The following KCNG4 variants were observed in gnomAD, a reference collection of about 807,000 sequenced individuals.
KCNG4 encodes potassium voltage-gated channel modifier subfamily G member 4.
In KCNG4, 30 loss-of-function variants were observed where a neutral mutation model predicts 28.2. That is an observed-to-expected ratio of 1.06 (90% CI 0.80 to 1.44). The LOEUF (loss-of-function observed/expected upper bound fraction) is 1.44, where lower values mean the gene tolerates loss of function less well. KCNG4 is among the 40% of genes most tolerant of loss of function. KCNG4 has a pLI of 0.00. For missense variants in KCNG4, 879 were observed against 712.3 expected (o/e 1.23, Z -2.66); for synonymous variants, 375 against 315.5 (o/e 1.19, Z -2.00).
intron 2 of KCNG4, among the ~76,000 whole-genome samples, chr16:84,229,968 G>A (rs577408376): frequency 6.6e-6 from 1 of 152,312 alleles, no homozygotes; most frequent in South Asian, 2.1e-4. Flanking sequence ...TCCGAGAAAG[G>A]GACAGATGAG....
At chr16:84,237,594 G>A in intron 1 of KCNG4, 69 bp from the exon 2 acceptor site, 1 of 1,074,682 alleles carries the variant, frequency 9.3e-7, no homozygotes, top group South Asian at 2.7e-5. Context: ...AGTCCTGGAT[G>A]TCACGACTGC....
intron 2 of KCNG4, among the ~76,000 whole-genome samples, chr16:84,234,052 G>C (rs997308118): frequency 2.0e-5 from 3 of 152,230 alleles, no homozygotes; most frequent in African/African-American, 7.2e-5. Flanking sequence ...GGAGGCATCG[G>C]TTCTTTCATC....
At position 84,222,436 on chromosome 16, in the gene KCNG4, G is replaced by A; in HGVS notation, c.1341C>T (p.Ala447=). Residue 447 remains alanine (A), a synonymous_variant, in exon 3 of 3, where the codon GCC becomes GCT. Coordinates refer to ENST00000308251, the MANE Select transcript of KCNG4 (RefSeq NM_172347.3). ...TGTGGAAGATAGACGTGGCCGGGAA[G>A]GCCATGATGAGGATCCCGCTCAGGA... ...SSILSGILIM[A]FPATSIFHTF... 3 of 1,614,148 alleles carry A rather than the reference G, an allele frequency of 1.9e-6. No individual in the cohort carries two copies. Among genetic ancestry groups the A allele is most frequent in the East Asian group, 2.2e-5 (1 of 44,870 alleles).
At chr16:84,223,132 C>T in intron 2 of KCNG4, 112 bp from the exon 3 acceptor site, 1 of 820,468 alleles carries the variant, frequency 1.2e-6, no homozygotes, top group Admixed American at 3.2e-5. Context: ...TAGTCGTCCA[C>T]CAGAACCTCC....
In KCNG4 at chr16:84,226,866, G is replaced by A. The variant is rs537786508; in HGVS notation, c.757-3846C>T. On this transcript the variant is annotated intron_variant, in intron 2 of 2. Coordinates refer to ENST00000308251, the MANE Select transcript of KCNG4 (RefSeq NM_172347.3). This position sits in a 1 kb window ranked among gnomAD's most constrained non-coding sequence, Gnocchi z 4.1. Reference sequence around the variant, plus strand: ...TGCACTGCAGCCTGGGCGATAGAGCGAGACTCCGTCTCAAAGACAAACATA... The same window carrying A: ...TGCACTGCAGCCTGGGCGATAGAGCAAGACTCCGTCTCAAAGACAAACATA... 3.4e-4 allele frequency among the ~76,000 whole-genome samples: 52 copies of A among 151,574 alleles called. No individual in the cohort carries two copies. The highest frequency in any genetic ancestry group is 7.4e-4 in the Non-Finnish European group (50 of 67,804).
At chr16:84,239,377 C>T (rs540172435) in intron 1 of KCNG4, among the ~76,000 whole-genome samples, 61 of 152,290 alleles carry the variant, frequency 4.0e-4, no homozygotes, top group Admixed American at 9.2e-4. Flanking sequence ...ACCCAGCGAG[C>T]GGAAGTAACT....
intron 2 of KCNG4, 136 bp downstream of exon 2, chr16:84,236,594 T>C: frequency 2.0e-6 from 2 of 1,000,794 alleles, no homozygotes; most frequent in Non-Finnish European, 2.8e-6. Context: ...TAATAATGAA[T>C]ATAACCCATG....
intron 2 of KCNG4, 189 bp downstream of exon 2, chr16:84,236,540 TA>T (rs574533854): frequency 0.17 from 96,879 of 584,254 alleles, 21 homozygotes; most frequent in Middle Eastern, 0.21. Flanking sequence ...AGGACTCCAA[TA>T]AAAAAAAAAA....
At chr16:84,229,925 A>G (rs1030663298) in intron 2 of KCNG4, among the ~76,000 whole-genome samples, 1 of 152,218 alleles carries the variant, frequency 6.6e-6, no homozygotes, top group Non-Finnish European at 1.5e-5. Context: ...AGCTCCAGAG[A>G]GCAGGCCAGT....
rs986222020 is a variant in KCNG4 at position 84,239,849 on chromosome 16, A to G, written c.-220T>C. The G allele has an allele frequency of 3.3e-5, 5 of 151,556 alleles. No individual in the cohort carries two copies. The highest frequency in any genetic ancestry group is 6.6e-5 in the Admixed American group (1 of 15,218). 9.4% of individuals were successfully genotyped at this position (151,556 alleles called of 1,614,324 possible). A position where few individuals can be genotyped will look rare whatever the true frequency, so the allele number is the denominator to read the frequency against. On this transcript the variant is annotated 5_prime_UTR_variant, in exon 1 of 3. Coordinates refer to ENST00000308251, the MANE Select transcript of KCNG4 (RefSeq NM_172347.3). Reference sequence around the variant, plus strand: ...CTTTCTTCCCGTGCCTCCTCCAGAAACCAGAAGTTCATTCATTCTGCATCT... The same window carrying G: ...CTTTCTTCCCGTGCCTCCTCCAGAAGCCAGAAGTTCATTCATTCTGCATCT...
chr16:84,227,348 G>A lies in KCNG4; in HGVS notation c.757-4328C>T, dbSNP rs571116229. Among the ~76,000 whole-genome samples, 71 of 152,322 alleles carry A rather than the reference G, an allele frequency of 4.7e-4. 1 individual carries two copies. The South Asian group carries it at 0.014, about 29-fold the overall frequency. On this transcript the variant is annotated intron_variant, in intron 2 of 2. Coordinates refer to ENST00000308251, the MANE Select transcript of KCNG4 (RefSeq NM_172347.3). The stretch of plus-strand genomic sequence containing the variant: ...TCCTGGCACTTTGGGAAGCCGAGGC[G>A]GGTGGATCACCTGGGGTCAGGAGTT...
rs1904543128 is a variant in KCNG4, at chr16:84,220,974, A to G, written c.*1243T>C. The stretch of plus-strand genomic sequence containing the variant: ...TGTTCAGCTTCATCTCCTAAAATAC[A>G]CCTCTACTCTCCAGCCCTGCCCATG... On this transcript the variant is annotated 3_prime_UTR_variant, in exon 3 of 3. Coordinates refer to ENST00000308251, the MANE Select transcript of KCNG4 (RefSeq NM_172347.3). The G allele has an allele frequency of 6.6e-6, 1 of 150,892 alleles. No homozygotes were observed. The highest frequency in any genetic ancestry group is 1.5e-5 in the Non-Finnish European group (1 of 67,890). 9.3% of individuals were successfully genotyped at this position (150,892 alleles called of 1,614,324 possible). A position where few individuals can be genotyped will look rare whatever the true frequency, so the allele number is the denominator to read the frequency against.
rs771013428 is a variant in KCNG4 at position 84,222,212 on chromosome 16, C to G, written c.*5G>C. 2 of 1,613,478 alleles carry G rather than the reference C, an allele frequency of 1.2e-6. No homozygotes were observed. Among genetic ancestry groups the G allele is most frequent in the Non-Finnish European group, 1.7e-6 (2 of 1,179,780 alleles). ...GGTTACCATGTAGTCATGGGGGGTG[C>G]TGAGTTACATGTGCATGATAGGCAA... is the stretch of plus-strand genomic sequence containing the variant. On this transcript the variant is annotated 3_prime_UTR_variant, in exon 3 of 3. Coordinates refer to ENST00000308251, the MANE Select transcript of KCNG4 (RefSeq NM_172347.3).
chr16:84,225,515 C>T (rs909019997), intron 2 of KCNG4, among the ~76,000 whole-genome samples: 1 of 152,226 alleles, frequency 6.6e-6, no homozygotes, highest in Non-Finnish European at 1.5e-5. Context: ...GTAACTCCCC[C>T]CATTCACTCT....
chr16:84,224,034 C>T (rs963904020), intron 2 of KCNG4, among the ~76,000 whole-genome samples: 1 of 152,100 alleles, frequency 6.6e-6, no homozygotes, highest in African/African-American at 2.4e-5. Flanking sequence ...CAGGGTAGTT[C>T]CACCAGTCCT....
intron 2 of KCNG4, among the ~76,000 whole-genome samples, chr16:84,234,710 C>T (rs1277968442): frequency 6.6e-6 from 1 of 152,188 alleles, no homozygotes; most frequent in Non-Finnish European, 1.5e-5. Context: ...ATTTACAGGA[C>T]ACTGGCCCCA....
chr16:84,224,403 T>TACACACACACAC (rs58296563), intron 2 of KCNG4, among the ~76,000 whole-genome samples: 2,177 of 58,552 alleles, frequency 0.037, 58 homozygotes, highest in African/African-American at 0.13. Context: ...TATACATATT[T>TACACACACACAC]ACACACACAC....
In KCNG4 at chr16:84,222,194, A is replaced by T; in HGVS notation, c.*23T>A. The stretch of plus-strand genomic sequence containing the variant: ...GGCAGGGTGATGGGTTGAGGTTACC[A>T]TGTAGTCATGGGGGGTGCTGAGTTA... On this transcript the variant is annotated 3_prime_UTR_variant, in exon 3 of 3. Coordinates refer to ENST00000308251, the MANE Select transcript of KCNG4 (RefSeq NM_172347.3). 1 of 1,611,316 alleles carries T rather than the reference A, an allele frequency of 6.2e-7. No individual in the cohort carries two copies.
intron 2 of KCNG4, among the ~76,000 whole-genome samples, chr16:84,230,689 G>A (rs117601821): frequency 3.3e-5 from 5 of 152,348 alleles, no homozygotes; most frequent in East Asian, 1.9e-4. Flanking sequence ...CAAAGAGCCC[G>A]TGCAGTTCTG....
Sources: gnomAD v4.1 joint callset for allele counts (sites outside exome capture counted in the v4.1 genomes callset) on GRCh38, gnomAD v4.1.1 for gene constraint, Gnocchi (gnomAD v3.1) non-coding constraint, MANE v1.5 for transcripts, NCBI Gene and HGNC (gene_info 2026-07-23, HGNC 2026-07-21) for gene names.